DLC1: variants seen among roughly 807,000 people sequenced by gnomAD.
DLC1 encodes DLC1 Rho GTPase activating protein.
Under a neutral mutation model 140.3 loss-of-function variants are expected in DLC1, and 54 were observed. That is an observed-to-expected ratio of 0.38 (90% CI 0.31 to 0.48). The LOEUF is 0.48. DLC1 is among the 20% of genes least tolerant of loss of function. The pLI, the probability that DLC1 is intolerant of heterozygous loss-of-function variation, is 0.96. For missense variants in DLC1, 2,536 were observed against 1,907.0 expected, an observed-to-expected ratio of 1.33 and a Z score of -6.14; for synonymous variants, 986 against 728.1, an observed-to-expected ratio of 1.35 and a Z score of -5.70.
intron 1 of DLC1, among the ~76,000 whole-genome samples, chr8:13,593,388 A>T (rs1189091645): frequency 1.3e-5 from 2 of 152,146 alleles, no homozygotes; most frequent in East Asian, 3.9e-4. Flanking sequence ...TTTGCTCCCC[A>T]GAAGCTGAGT....
intron 2 of DLC1, among the ~76,000 whole-genome samples, chr8:13,453,527 TGTATATATATACATATATATA>T (rs1799245293): frequency 3.6e-5 from 2 of 55,494 alleles, no homozygotes; most frequent in East Asian, 4.8e-4. Context: ...TATATATATA[TGTATATATATACATATATATA>T]TATATATATT....
intron 4 of DLC1, among the ~76,000 whole-genome samples, chr8:13,317,353 C>A (rs1252920911): frequency 2.0e-5 from 3 of 152,252 alleles, no homozygotes; most frequent in African/African-American, 7.2e-5. Flanking sequence ...ATAATTTGAA[C>A]ATTCAACATA....
chr8:13,594,232 C>G (rs1435163753), intron 1 of DLC1, among the ~76,000 whole-genome samples: 2 of 152,076 alleles, frequency 1.3e-5, no homozygotes, highest in African/African-American at 4.8e-5. Flanking sequence ...AAATATAAGA[C>G]TGTCTGATTC....
intron 16 of DLC1, among the ~76,000 whole-genome samples, chr8:13,087,563 AC>A (rs1371814340): frequency 6.6e-6 from 1 of 152,212 alleles, no homozygotes; most frequent in Non-Finnish European, 1.5e-5. Flanking sequence ...CTGTACAAGG[AC>A]TGCTGAATGA....
At chr8:13,348,047 C>G (rs1259398428) in intron 4 of DLC1, among the ~76,000 whole-genome samples, 1 of 152,128 alleles carries the variant, frequency 6.6e-6, no homozygotes, top group Non-Finnish European at 1.5e-5. Flanking sequence ...CGAGATCACG[C>G]CACTGCACTC....
intron 1 of DLC1, among the ~76,000 whole-genome samples, chr8:13,552,600 C>G (rs1163078722): frequency 6.6e-6 from 1 of 151,228 alleles, no homozygotes; most frequent in Admixed American, 6.6e-5. Flanking sequence ...AATTAAAGAC[C>G]ACTGTTCTAT....
chr8:13,397,810 G>A (rs141162819), intron 3 of DLC1, among the ~76,000 whole-genome samples: 1 of 151,940 alleles, frequency 6.6e-6, no homozygotes, highest in African/African-American at 2.4e-5. Flanking sequence ...TCCAGCCTGA[G>A]CAACACATAT....
In DLC1 at chr8:13,114,854, G is replaced by A. The variant is rs142454770; in HGVS notation, c.1420+732C>T. Among the ~76,000 whole-genome samples the A allele has an allele frequency of 1.0e-2, 1,519 of 152,286 alleles. 31 individuals carry two copies. Among genetic ancestry groups the A allele is most frequent in the African/African-American group, 0.034 (1,411 of 41,562 alleles). On this transcript the variant is annotated intron_variant, in intron 6 of 17. Coordinates refer to ENST00000276297, the MANE Select transcript of DLC1 (RefSeq NM_182643.3). The stretch of plus-strand genomic sequence containing the variant: ...AAATTAAAGTCTGACAATATCAAGC[G>A]TTGAGGGAATGTGGATACACAGATT...
chr8:13,350,404 A>G (rs1834592516), intron 4 of DLC1, among the ~76,000 whole-genome samples: 1 of 151,948 alleles, frequency 6.6e-6, no homozygotes, highest in African/African-American at 2.4e-5. Flanking sequence ...ATGTGAAAGT[A>G]TGAAGTGCTA....
intron 1 of DLC1, among the ~76,000 whole-genome samples, chr8:13,579,588 T>C (rs1282535055): frequency 1.5e-5 from 2 of 133,866 alleles, no homozygotes; most frequent in Non-Finnish European, 3.1e-5. Context: ...TTATATTTTA[T>C]ATTATATATT....
At chr8:13,430,324 A>G (rs1225138794) in intron 2 of DLC1, among the ~76,000 whole-genome samples, 1 of 152,232 alleles carries the variant, frequency 6.6e-6, no homozygotes, top group Non-Finnish European at 1.5e-5. Context: ...TTTGAAAAAA[A>G]TCAAATAGAT....
chr8:13,133,267 C>G (rs1295348254), intron 5 of DLC1: 23 of 1,334,522 alleles, frequency 1.7e-5, no homozygotes, highest in Non-Finnish European at 8.6e-6. Flanking sequence ...GAAGCGCCCT[C>G]GCTCGGGCAG....
chr8:13,511,923 G>T (rs947646766), intron 1 of DLC1, among the ~76,000 whole-genome samples: 2 of 152,046 alleles, frequency 1.3e-5, no homozygotes, highest in Non-Finnish European at 2.9e-5. Flanking sequence ...AAGCCTGTAA[G>T]ATCTAAAACT....
chr8:13,578,962 C>G (rs1161559923), intron 1 of DLC1, among the ~76,000 whole-genome samples: 1 of 151,876 alleles, frequency 6.6e-6, no homozygotes, highest in African/African-American at 2.4e-5. Flanking sequence ...AAAGTTCCAA[C>G]GTTTTATTAC....
At chr8:13,373,046 CA>C (rs1346664487) in intron 4 of DLC1, among the ~76,000 whole-genome samples, 1 of 152,072 alleles carries the variant, frequency 6.6e-6, no homozygotes, top group African/African-American at 2.4e-5. Flanking sequence ...GACAGGGTCT[CA>C]TTCTGTTGCT....
chr8:13,360,223 T>C (rs1002318773), intron 4 of DLC1, among the ~76,000 whole-genome samples: 2 of 151,852 alleles, frequency 1.3e-5, no homozygotes, highest in Non-Finnish European at 2.9e-5. Flanking sequence ...TAAGGTAATG[T>C]ACATAAAACA....
At chr8:13,176,947 C>T (rs1183203549) in intron 5 of DLC1, among the ~76,000 whole-genome samples, 2 of 152,084 alleles carry the variant, frequency 1.3e-5, no homozygotes, top group East Asian at 1.9e-4. Context: ...GGGCGGCTTC[C>T]AGGAGCTGGG....
At chr8:13,431,133 T>C (rs1464937396) in intron 2 of DLC1, among the ~76,000 whole-genome samples, 4 of 151,812 alleles carry the variant, frequency 2.6e-5, no homozygotes, top group Non-Finnish European at 5.9e-5. Context: ...AAAAAGAAAA[T>C]GTATTGGTGA....
intron 2 of DLC1, among the ~76,000 whole-genome samples, chr8:13,476,552 A>G (rs907863125): frequency 6.6e-6 from 1 of 150,788 alleles, no homozygotes; most frequent in Admixed American, 6.6e-5. Flanking sequence ...GGACGTGGGG[A>G]GCTAACCAGG....
Sources: allele counts gnomAD v4.1 joint callset (sites outside exome capture counted in the v4.1 genomes callset), GRCh38; gene constraint gnomAD v4.1.1; transcripts MANE v1.5; gene names NCBI Gene and HGNC (gene_info 2026-07-23, HGNC 2026-07-21).